NRG1: variants seen among roughly 807,000 people sequenced by gnomAD.
NRG1 encodes the protein pro-neuregulin-1, membrane-bound isoform.
In NRG1, 18 loss-of-function variants were observed where a neutral mutation model predicts 63.8. The observed-to-expected ratio is 0.28, with a 90% CI of 0.19 to 0.42. The LOEUF (loss-of-function observed/expected upper bound fraction) is 0.42. NRG1 is among the 10% of genes least tolerant of loss of function. The pLI, the probability that NRG1 is intolerant of heterozygous loss-of-function variation, is 1.00. For synonymous variants in NRG1, 302 were observed against 301.3 expected, an observed-to-expected ratio of 1.00 and a Z score of -0.02; for missense variants, 762 against 814.7, an observed-to-expected ratio of 0.94 and a Z score of 0.79.
At chr8:32,158,983 G>T (rs913794232) in intron 1 of NRG1, among the ~76,000 whole-genome samples, 1 of 152,058 alleles carries the variant, frequency 6.6e-6, no homozygotes, top group African/African-American at 2.4e-5. Flanking sequence ...GTGCTGCCTC[G>T]CTGTGGATTA....
chr8:32,040,642 T>C (rs1257604088), intron 1 of NRG1, among the ~76,000 whole-genome samples: 1 of 146,730 alleles, frequency 6.8e-6, no homozygotes, highest in African/African-American at 2.5e-5. Context: ...TGTATGTATA[T>C]ATATGTATGT....
rs940911126 is a variant in NRG1, at chr8:32,458,211, C to T, written c.38-137617C>T. Among the ~76,000 whole-genome samples, 9 of 152,186 alleles carry T rather than the reference C, an allele frequency of 5.9e-5. No individual in the cohort carries two copies. In the East Asian group the frequency reaches 1.5e-3, roughly 26 times the overall value. Reference sequence around the variant, plus strand: ...GATTACAGGCATGAGCCACTGTGCCCGGCCTCATGTAGAGCACTTTAAAAG... The same window carrying T: ...GATTACAGGCATGAGCCACTGTGCCTGGCCTCATGTAGAGCACTTTAAAAG... On this transcript the variant is annotated intron_variant, in intron 1 of 10. Transcript: ENST00000519301.
At chr8:32,016,995 C>G (rs1815644870) in intron 1 of NRG1, among the ~76,000 whole-genome samples, 1 of 152,132 alleles carries the variant, frequency 6.6e-6, no homozygotes. Flanking sequence ...AGCACAAATA[C>G]TATTTCTAGG....
chr8:32,258,633 G>A (rs1274051993), intron 1 of NRG1, among the ~76,000 whole-genome samples: 1 of 152,124 alleles, frequency 6.6e-6, no homozygotes, highest in Non-Finnish European at 1.5e-5. Flanking sequence ...GAGAGAGAGT[G>A]TGTGAAGGAG....
chr8:31,953,969 A>G (rs1803918997), intron 1 of NRG1, among the ~76,000 whole-genome samples: 1 of 152,218 alleles, frequency 6.6e-6, no homozygotes, highest in African/African-American at 2.4e-5. Context: ...ATTTTCCTCT[A>G]TAAAATCTGG....
chr8:32,495,524 G>A (rs911181551), intron 1 of NRG1, among the ~76,000 whole-genome samples: 2 of 152,184 alleles, frequency 1.3e-5, no homozygotes, highest in Admixed American at 1.3e-4. Context: ...GTGCAGTGGT[G>A]TGATCTCGGC....
intron 1 of NRG1, among the ~76,000 whole-genome samples, chr8:31,648,910 C>A (rs2130868606): frequency 6.6e-6 from 1 of 152,226 alleles, no homozygotes; most frequent in Middle Eastern, 3.4e-3. Flanking sequence ...GGTATATACA[C>A]AGAAGCAGAA....
rs1182737433 is a variant in NRG1, at chr8:32,332,912, C to A, written c.38-262916C>A. Among the ~76,000 whole-genome samples the A allele has an allele frequency of 5.9e-5, 9 of 152,194 alleles. No homozygotes were observed. The East Asian group carries it at 1.7e-3, about 29-fold the overall frequency. On this transcript the variant is annotated intron_variant, in intron 1 of 10. Transcript: ENST00000519301. ...ATACATGCCCATGTAAAAGTTAAAT[C>A]AATGACTAAAGCATTCTGAAGAAAG...
chr8:31,956,050 A>AG (rs1804325667), intron 1 of NRG1, among the ~76,000 whole-genome samples: 1 of 148,992 alleles, frequency 6.7e-6, no homozygotes, highest in Non-Finnish European at 1.5e-5. Context: ...CAAAAAAAAA[A>AG]AAACAAAAAA....
At chr8:32,214,632 G>T (rs559874953) in intron 1 of NRG1, among the ~76,000 whole-genome samples, 2 of 148,882 alleles carry the variant, frequency 1.3e-5, no homozygotes, top group Admixed American at 1.4e-4. Context: ...AACAAAGTGA[G>T]ACACTGTCAA....
At chr8:32,455,721 A>G (rs532477338) in intron 1 of NRG1, among the ~76,000 whole-genome samples, 6 of 152,216 alleles carry the variant, frequency 3.9e-5, no homozygotes, top group African/African-American at 1.2e-4. Flanking sequence ...GAGGAACTCA[A>G]TCAACAGGAT....
At chr8:32,616,283 G>A (rs974593196) in intron 4 of NRG1, among the ~76,000 whole-genome samples, 6 of 151,546 alleles carry the variant, frequency 4.0e-5, no homozygotes, top group Admixed American at 1.3e-4. Flanking sequence ...AATTAGCATG[G>A]TTTGTTTGAT....
chr8:32,293,383 C>A (rs965797771), intron 1 of NRG1, among the ~76,000 whole-genome samples: 13 of 152,038 alleles, frequency 8.6e-5, no homozygotes, highest in Non-Finnish European at 1.9e-4. Context: ...CAAGGGCCAC[C>A]AGAGCTGTGA....
chr8:32,708,689 G>A (rs1347407063), intron 5 of NRG1, among the ~76,000 whole-genome samples: 1 of 152,212 alleles, frequency 6.6e-6, no homozygotes, highest in Non-Finnish European at 1.5e-5. Flanking sequence ...ATGAGATCAT[G>A]TGTATTTTTG....
chr8:32,108,450 C>T (rs1831562020), intron 1 of NRG1, among the ~76,000 whole-genome samples: 1 of 152,184 alleles, frequency 6.6e-6, no homozygotes, highest in African/African-American at 2.4e-5. Flanking sequence ...CACTGCCAAG[C>T]CTCTTTTATA....
chr8:31,773,422 A>C (rs994688181), intron 1 of NRG1, among the ~76,000 whole-genome samples: 1 of 152,322 alleles, frequency 6.6e-6, no homozygotes, highest in Non-Finnish European at 1.5e-5. Context: ...GGACTACCGT[A>C]ATTTCATACC....
intron 1 of NRG1, among the ~76,000 whole-genome samples, chr8:31,706,215 A>G (rs971649258): frequency 3.9e-5 from 6 of 152,012 alleles, no homozygotes; most frequent in African/African-American, 1.5e-4. Flanking sequence ...CTAGTTTTTT[A>G]TGTGTCCTTC....
chr8:31,929,512 T>TAC (rs1166203846), intron 1 of NRG1, among the ~76,000 whole-genome samples: 5 of 151,972 alleles, frequency 3.3e-5, no homozygotes, highest in African/African-American at 1.2e-4. Flanking sequence ...TCTTACATAA[T>TAC]ACACACACAT....
intron 5 of NRG1, among the ~76,000 whole-genome samples, chr8:32,678,899 AT>A (rs1050213612): frequency 8.1e-6 from 1 of 123,420 alleles, no homozygotes; most frequent in African/African-American, 2.6e-5. Context: ...AAAAGTTTTA[AT>A]TTATTGGTGA....
Sources: allele counts gnomAD v4.1 joint callset (sites outside exome capture counted in the v4.1 genomes callset), GRCh38; gene constraint gnomAD v4.1.1; transcripts MANE v1.5; gene names NCBI Gene and HGNC (gene_info 2026-07-23, HGNC 2026-07-21).